DGKB: variants seen among roughly 807,000 people sequenced by gnomAD.
The protein encoded by DGKB is diacylglycerol kinase beta, also known as 90 kDa diacylglycerol kinase.
Under a neutral mutation model 114.3 loss-of-function variants are expected in DGKB, and 67 were observed. That is an observed-to-expected ratio of 0.59 (90% CI 0.48 to 0.72). DGKB has a LOEUF of 0.72. Among genes scored for constraint, DGKB ranks in the 30% least tolerant of loss-of-function variants. The pLI, the probability that DGKB is intolerant of heterozygous loss-of-function variation, is 0.00. For synonymous variants in DGKB, 398 were observed against 323.1 expected, an observed-to-expected ratio of 1.23 and a Z score of -2.49; for missense variants, 907 against 975.2, an observed-to-expected ratio of 0.93 and a Z score of 0.93.
At chr7:14,621,761 C>T (rs12670550) in intron 14 of DGKB, among the ~76,000 whole-genome samples, 39,970 of 151,726 alleles carry the variant, frequency 0.26, 6,169 homozygotes, top group East Asian at 0.69. Context: ...GACTCTTTAT[C>T]AAAAGTTACT....
chr7:14,587,656 C>T (rs1156742380), intron 17 of DGKB, among the ~76,000 whole-genome samples: 1 of 152,024 alleles, frequency 6.6e-6, no homozygotes, highest in Non-Finnish European at 1.5e-5. Context: ...TTTTAAGAAA[C>T]TACTAGAGCC....
At chr7:14,575,967 C>T (rs1424143199) in intron 19 of DGKB, among the ~76,000 whole-genome samples, 1 of 152,110 alleles carries the variant, frequency 6.6e-6, no homozygotes, top group Non-Finnish European at 1.5e-5. Context: ...AAGGTGAAAG[C>T]CACCAGAAAC....
intron 1 of DGKB, among the ~76,000 whole-genome samples, chr7:14,966,912 C>T (rs538440421): frequency 2.6e-5 from 4 of 152,096 alleles, no homozygotes; most frequent in African/African-American, 7.2e-5. Context: ...ATGCAAGATG[C>T]TTAATATCTA....
At chr7:14,632,270 G>A (rs2128851396) in intron 13 of DGKB, among the ~76,000 whole-genome samples, 1 of 151,984 alleles carries the variant, frequency 6.6e-6, no homozygotes, top group Admixed American at 6.6e-5. Context: ...ATTTTCTTAG[G>A]TGAGAGTATA....
chr7:14,608,454 C>T (rs1342102734), intron 16 of DGKB, among the ~76,000 whole-genome samples: 4 of 151,772 alleles, frequency 2.6e-5, no homozygotes, highest in Non-Finnish European at 4.4e-5. Context: ...TAATAAAAGC[C>T]ATCTATGACA....
intron 1 of DGKB, among the ~76,000 whole-genome samples, chr7:14,958,925 C>T (rs1049016273): frequency 6.6e-6 from 1 of 151,938 alleles, no homozygotes; most frequent in African/African-American, 2.4e-5. Flanking sequence ...ATCAATAATC[C>T]AGATTCAGAA....
intron 2 of DGKB, among the ~76,000 whole-genome samples, chr7:14,834,467 G>C (rs1187668150): frequency 6.6e-6 from 1 of 152,086 alleles, no homozygotes; most frequent in African/African-American, 2.4e-5. Context: ...AATTGCTTAG[G>C]CCAAAGAAAT....
At chr7:14,169,818 G>A (rs1044460898) in intron 25 of DGKB, among the ~76,000 whole-genome samples, 2 of 151,976 alleles carry the variant, frequency 1.3e-5, no homozygotes, top group African/African-American at 4.8e-5. Context: ...TGATAGAGTT[G>A]TAATTAATTA....
At chr7:14,271,388 T>G (rs1362718916) in intron 23 of DGKB, among the ~76,000 whole-genome samples, 1 of 152,170 alleles carries the variant, frequency 6.6e-6, no homozygotes, top group East Asian at 1.9e-4. Context: ...TAAAGGTCCC[T>G]GTGGCCCTGT....
intron 2 of DGKB, among the ~76,000 whole-genome samples, chr7:14,839,367 G>A (rs190543761): frequency 6.6e-6 from 1 of 151,306 alleles, no homozygotes; most frequent in African/African-American, 2.4e-5. Context: ...TAAAGAAGAA[G>A]TAGGCCATTC....
At chr7:14,852,487 C>CAAAAAAAAAAAAAACAAAACAA in intron 1 of DGKB, among the ~76,000 whole-genome samples, 7 of 63,636 alleles carry the variant, frequency 1.1e-4, no homozygotes, top group Middle Eastern at 8.1e-3. Flanking sequence ...TAGTGAAAGT[C>CAAAAAAAAAAAAAACAAAACAA]AAAAAAAAAA....
intron 5 of DGKB, among the ~76,000 whole-genome samples, chr7:14,725,698 C>T (rs1829921845): frequency 6.6e-6 from 1 of 151,998 alleles, no homozygotes; most frequent in South Asian, 2.1e-4. Context: ...AGGTGTCAGC[C>T]ACCACATCCA....
At chr7:14,299,425 A>G (rs564364273) in intron 23 of DGKB, among the ~76,000 whole-genome samples, 154 of 152,258 alleles carry the variant, frequency 1.0e-3, no homozygotes, top group African/African-American at 3.5e-3. Context: ...TAAAGACTCA[A>G]TATCAAATGA....
chr7:14,296,257 C>G (rs1802540772), intron 23 of DGKB, among the ~76,000 whole-genome samples: 1 of 152,116 alleles, frequency 6.6e-6, no homozygotes, highest in African/African-American at 2.4e-5. Context: ...GTCTCAATCT[C>G]CTGACCTTGT....
chr7:14,896,365 A>G (rs1043011374), intron 1 of DGKB, among the ~76,000 whole-genome samples: 11 of 151,784 alleles, frequency 7.2e-5, no homozygotes, highest in African/African-American at 2.7e-4. Context: ...CTATGTTAAT[A>G]GTTACCTCTT....
In DGKB at chr7:14,236,582, T is replaced by C. The variant is rs138480456; in HGVS notation, c.2123-58431A>G. On this transcript the variant is annotated intron_variant, in intron 23 of 25. Coordinates refer to ENST00000402815, the MANE Select transcript of DGKB (RefSeq NM_001350709.2). ...AGTTCTGTAATTTTCGTGAAATAATTTTAGAACTGCTGGGAAATCTCAGCT... is the reference window on the plus strand; with the variant it reads ...AGTTCTGTAATTTTCGTGAAATAATCTTAGAACTGCTGGGAAATCTCAGCT... 2.7e-3 allele frequency among the ~76,000 whole-genome samples: 406 copies of C among 152,064 alleles called. 2 individuals are homozygous for C. Among genetic ancestry groups the C allele is most frequent in the African/African-American group, 9.4e-3 (392 of 41,530 alleles).
intron 13 of DGKB, among the ~76,000 whole-genome samples, chr7:14,637,246 A>G (rs965388532): frequency 1.3e-5 from 2 of 152,018 alleles, no homozygotes; most frequent in African/African-American, 2.4e-5. Context: ...AAACTAAGAT[A>G]TATACATATT....
intron 25 of DGKB, among the ~76,000 whole-genome samples, chr7:14,160,050 A>C (rs1268426048): frequency 1.3e-5 from 2 of 152,152 alleles, no homozygotes; most frequent in African/African-American, 4.8e-5. Flanking sequence ...ATGTTTAATA[A>C]TAGCTATTTT....
chr7:14,616,112 A>G (rs1020764364), intron 15 of DGKB, among the ~76,000 whole-genome samples: 1 of 150,422 alleles, frequency 6.6e-6, no homozygotes, highest in African/African-American at 2.4e-5. Context: ...ACTTGAGAGT[A>G]AGTTGCCAAA....
Sources: allele counts gnomAD v4.1 joint callset (sites outside exome capture counted in the v4.1 genomes callset), GRCh38; gene constraint gnomAD v4.1.1; transcripts MANE v1.5; gene names NCBI Gene and HGNC (gene_info 2026-07-23, HGNC 2026-07-21).